Variants in PCBP3 observed in about 807,000 individuals in gnomAD.
The protein encoded by PCBP3 is poly(rC)-binding protein 3.
Under a neutral mutation model 52.7 loss-of-function variants are expected in PCBP3, and 25 were observed. That is an observed-to-expected ratio of 0.47 (90% CI 0.35 to 0.66). PCBP3 has a LOEUF of 0.66. Ranked by LOEUF, PCBP3 falls within the 30% of genes least tolerant of loss-of-function variation. The probability of loss-of-function intolerance (pLI) is 0.01; values close to 1 mark genes in which losing one functional copy is unlikely to be tolerated. For missense variants in PCBP3, 391 were observed against 490.3 expected (o/e 0.80, Z 1.91); for synonymous variants, 162 against 183.0 (o/e 0.89, Z 0.93).
chr21:45,847,299 T>G lies in PCBP3; in HGVS notation c.-125-2662T>G, dbSNP rs527682609. Among the ~76,000 whole-genome samples the G allele has an allele frequency of 4.0e-4, 61 of 152,344 alleles. No individual in the cohort carries two copies. In the South Asian group the frequency reaches 7.2e-3, roughly 18 times the overall value. On this transcript the variant is annotated intron_variant, in intron 4 of 17. Transcript: ENST00000681687. Reference sequence around the variant, plus strand: ...CTATGAGCTTATTCTACATTCCTTTTTTTCTGATTCATCTACCTCTGATTT... The same window carrying G: ...CTATGAGCTTATTCTACATTCCTTTGTTTCTGATTCATCTACCTCTGATTT...
intron 3 of PCBP3, among the ~76,000 whole-genome samples, chr21:45,746,675 G>A (rs1468984426): frequency 1.2e-5 from 1 of 85,836 alleles, no homozygotes; most frequent in Non-Finnish European, 2.5e-5. Context: ...GCCACATGGT[G>A]GTGTCAGCAT....
chr21:45,884,300 G>C (rs1241667540), intron 5 of PCBP3, among the ~76,000 whole-genome samples: 1 of 152,044 alleles, frequency 6.6e-6, no homozygotes, highest in Non-Finnish European at 1.5e-5. Context: ...TTCTTCCTGT[G>C]AGTCAGTGTA....
chr21:45,681,388 A>G (rs756402304), intron 2 of PCBP3, among the ~76,000 whole-genome samples: 4 of 152,212 alleles, frequency 2.6e-5, no homozygotes, highest in Non-Finnish European at 5.9e-5. Context: ...GCAGTTTTCC[A>G]TTCCTGGAGT....
At chr21:45,758,436 G>A (rs1156823088) in intron 4 of PCBP3, among the ~76,000 whole-genome samples, 2 of 152,184 alleles carry the variant, frequency 1.3e-5, no homozygotes, top group Non-Finnish European at 2.9e-5. Context: ...CTTTCAGTCA[G>A]GAACATGAGA....
chr21:45,781,633 C>T (rs1165024503), intron 4 of PCBP3, among the ~76,000 whole-genome samples: 1 of 152,138 alleles, frequency 6.6e-6, no homozygotes, highest in Non-Finnish European at 1.5e-5. Context: ...GAAGGTATTT[C>T]CCCAAGAGTA....
Position 45,930,010 on chromosome 21 carries a change from CT to C in PCBP3, c.796+19del. On this transcript the variant is annotated intron_variant, in intron 14 of 17. Coordinates refer to ENST00000681687, the MANE Select transcript of PCBP3 (RefSeq NM_001384156.1). The stretch of plus-strand genomic sequence containing the variant: ...CGCTTTCCCCGGTACGTACCCAGCC[CT>C]TTTCTCACCTCCTTCTCTTCTCACC... 6.4e-7 allele frequency: 1 copy of C among 1,572,096 alleles called. No individual in the cohort carries two copies. Among genetic ancestry groups the C allele is most frequent in the Non-Finnish European group, 8.8e-7 (1 of 1,142,078 alleles).
intron 5 of PCBP3, among the ~76,000 whole-genome samples, chr21:45,864,280 C>T (rs34346339): frequency 0.055 from 8,349 of 152,170 alleles, 274 homozygotes; most frequent in Non-Finnish European, 0.079. Context: ...GTACTGAAGT[C>T]CAACATCCGA....
intron 2 of PCBP3, among the ~76,000 whole-genome samples, chr21:45,709,869 G>A (rs2083712492): frequency 6.6e-6 from 1 of 152,162 alleles, no homozygotes. Context: ...CAGCTTCTCA[G>A]ACTTTCCTTG....
chr21:45,808,116 C>G (rs1462577127), intron 4 of PCBP3, among the ~76,000 whole-genome samples: 6 of 152,164 alleles, frequency 3.9e-5, no homozygotes, highest in African/African-American at 1.4e-4. Context: ...CTAGGCAATA[C>G]CATTCAGGAC....
intron 3 of PCBP3, among the ~76,000 whole-genome samples, chr21:45,751,963 T>A (rs2087553409): frequency 6.6e-6 from 1 of 152,184 alleles, no homozygotes; most frequent in Non-Finnish European, 1.5e-5. Flanking sequence ...TTCTATAGGG[T>A]TTTTGGTCTT....
chr21:45,892,807 AC>A (rs1350665966), intron 5 of PCBP3, among the ~76,000 whole-genome samples: 1 of 152,068 alleles, frequency 6.6e-6, no homozygotes, highest in Non-Finnish European at 1.5e-5. Context: ...TCCTCAGGGC[AC>A]CTTCACTCCA....
intron 4 of PCBP3, among the ~76,000 whole-genome samples, chr21:45,793,319 G>A (rs550243693): frequency 2.6e-5 from 4 of 152,194 alleles, no homozygotes; most frequent in Non-Finnish European, 5.9e-5. Context: ...AACTGTTACC[G>A]CACTCAGACG....
intron 4 of PCBP3, among the ~76,000 whole-genome samples, chr21:45,789,806 G>A (rs751083992): frequency 2.6e-5 from 4 of 152,162 alleles, no homozygotes; most frequent in Admixed American, 6.5e-5. Flanking sequence ...GACCTGGGCC[G>A]AGTTAGGTTC....
chr21:45,669,474 A>G (rs2081008189), intron 2 of PCBP3, among the ~76,000 whole-genome samples: 1 of 152,104 alleles, frequency 6.6e-6, no homozygotes, highest in Non-Finnish European at 1.5e-5. Context: ...AGTACATTTT[A>G]TGTGTACAAT....
chr21:45,860,320 C>T lies in PCBP3; in HGVS notation c.10+10225C>T, dbSNP rs149451092. On this transcript the variant is annotated intron_variant, in intron 5 of 17. Coordinates refer to ENST00000681687, the MANE Select transcript of PCBP3 (RefSeq NM_001384156.1). ...ATACATGTAGTAAATGTGAAATTTT[C>T]ACAGCAGCACCATTAGGTCTCTAAT... Among the ~76,000 whole-genome samples the T allele has an allele frequency of 1.7e-4, 26 of 152,302 alleles. No homozygotes were observed. The East Asian group carries it at 3.5e-3, about 20-fold the overall frequency.
At chr21:45,866,695 GCC>G (rs1312326381) in intron 5 of PCBP3, among the ~76,000 whole-genome samples, 2 of 152,100 alleles carry the variant, frequency 1.3e-5, no homozygotes, top group African/African-American at 4.8e-5. Flanking sequence ...GTTCAGGCTG[GCC>G]CCAGATGCAC....
At chr21:45,914,711 G>C (rs2096472244) in intron 12 of PCBP3, 1 of 152,438 alleles carries the variant, frequency 6.6e-6, no homozygotes, top group Non-Finnish European at 1.5e-5. Flanking sequence ...CCAAACCCTG[G>C]CCAGGGCACA....
At chr21:45,906,490 A>G (rs1177080727) in intron 9 of PCBP3, among the ~76,000 whole-genome samples, 1 of 151,856 alleles carries the variant, frequency 6.6e-6, no homozygotes, top group Non-Finnish European at 1.5e-5. Context: ...CTGTAGTTTG[A>G]GCCCTTCTTT....
chr21:45,909,270 G>T, intron 9 of PCBP3, 85 bp from the exon 10 acceptor site: 1 of 1,394,518 alleles, frequency 7.2e-7, no homozygotes. Context: ...TTCTGAGTGT[G>T]GGAAGTCAGG....
Sources: allele counts gnomAD v4.1 joint callset (sites outside exome capture counted in the v4.1 genomes callset), GRCh38; gene constraint gnomAD v4.1.1; transcripts MANE v1.5; gene names NCBI Gene and HGNC (gene_info 2026-07-23, HGNC 2026-07-21).